The following SEC31B variants were observed in gnomAD, a reference collection of about 807,000 sequenced individuals.
SEC31B encodes the protein protein transport protein Sec31B.
SEC31B carries 113 observed loss-of-function variants against 135.0 expected under a neutral mutation model. The ratio of observed to expected loss-of-function variants is 0.84; its 90% CI spans 0.72 to 0.98. SEC31B has a LOEUF of 0.98. SEC31B is among the 50% of genes least tolerant of loss of function. The pLI is 0.00. For missense variants in SEC31B, 1,296 were observed against 1,421.1 expected (o/e 0.91, Z 1.42); for synonymous variants, 508 against 549.4 (o/e 0.92, Z 1.05).
Position 100,508,507 on chromosome 10 carries a change from A to G in SEC31B, c.496-456T>C, listed in dbSNP as rs549408318. ...AAGAAAGAGAAAAGGCCAGGAAGCA[A>G]AAAGATGGGCCCAGTTACAGATTGA... On this transcript the variant is annotated intron_variant, in intron 5 of 25. Transcript: ENST00000370345. 422 of 463,706 alleles carry G rather than the reference A, an allele frequency of 9.1e-4. 6 individuals are homozygous for G. The highest frequency in any genetic ancestry group is 3.2e-4 in the Middle Eastern group (1 of 3,106). The allele number at this position is 463,706 out of a possible 1,614,324, so 28.7% of individuals were successfully genotyped here.
At chr10:100,507,635 T>G in intron 6 of SEC31B, 68 bp from the exon 7 acceptor site, 2 of 1,592,352 alleles carry the variant, frequency 1.3e-6, no homozygotes, top group Non-Finnish European at 1.7e-6. Context: ...ATGGGACCAC[T>G]CTGAGAGCAA....
In SEC31B at chr10:100,487,486, G is replaced by C. The variant is rs980074905; in HGVS notation, c.*130C>G. On this transcript the variant is annotated 3_prime_UTR_variant, in exon 26 of 26. Coordinates refer to ENST00000370345, the MANE Select transcript of SEC31B (RefSeq NM_015490.4). ...CAGCTGGTTTGGAGCCAAGCCTACAGCATCACATACCTGGCAGCAAGGAAA... is the reference window on the plus strand; with the variant it reads ...CAGCTGGTTTGGAGCCAAGCCTACACCATCACATACCTGGCAGCAAGGAAA... 1 of 874,692 alleles carries C rather than the reference G, an allele frequency of 1.1e-6. No homozygotes were observed. The highest frequency in any genetic ancestry group is 1.7e-6 in the Non-Finnish European group (1 of 573,516). 54.2% of individuals were successfully genotyped at this position (874,692 alleles called of 1,614,324 possible).
Position 100,498,700 on chromosome 10 carries a change from G to T in SEC31B, c.1684+5C>A, listed in dbSNP as rs750003116. 1 of 1,605,226 alleles carries T rather than the reference G, an allele frequency of 6.2e-7. No homozygotes were observed. The highest frequency in any genetic ancestry group is 2.2e-5 in the East Asian group (1 of 44,832). ...GACTCTCCCTCTCCCTCAGGGTCAGGGTACCTTTTGTGATGGGGATCTCCC... is the reference window on the plus strand; with the variant it reads ...GACTCTCCCTCTCCCTCAGGGTCAGTGTACCTTTTGTGATGGGGATCTCCC... On this transcript the variant is annotated splice_donor_5th_base_variant and intron_variant, in intron 14 of 25. Transcript: ENST00000370345.
intron 24 of SEC31B, 111 bp from the exon 25 acceptor site, chr10:100,488,209 C>G: frequency 1.0e-6 from 1 of 987,760 alleles, no homozygotes; most frequent in South Asian, 1.4e-5. Flanking sequence ...CCTGTAATCC[C>G]AGCACCTTGG....
intron 3 of SEC31B, among the ~76,000 whole-genome samples, chr10:100,510,313 T>C (rs751308830): frequency 1.1e-4 from 17 of 152,250 alleles, no homozygotes; most frequent in Non-Finnish European, 2.2e-4. Context: ...GGAGTGGCCA[T>C]GTGGCTGCAA....
rs1851269567 is a variant in SEC31B at position 100,490,019 on chromosome 10, G to A, written c.2954C>T (p.Thr985Ile). Residue 985 changes from threonine (T) to isoleucine (I), a missense_variant, in exon 21 of 26, where the codon ACT (threonine) becomes ATT (isoleucine). Physicochemically the swap from Thr to Ile is moderately conservative, Grantham distance 89 (BLOSUM62 -1). Coordinates refer to ENST00000370345, the MANE Select transcript of SEC31B (RefSeq NM_015490.4). ...SSVLPTTGIL[T>I]PHPGPQDSWK... is the part of the protein sequence containing the mutation. ...GAAGGAAGACTGACCTGGGTGAGGA[G>A]TCAAGATGCCAGTGGTTGGGAGGAC... 1 of 1,544,826 alleles carries A rather than the reference G, an allele frequency of 6.5e-7. No individual in the cohort carries two copies. The highest frequency in any genetic ancestry group is 8.7e-7 in the Non-Finnish European group (1 of 1,150,924).
At chr10:100,516,313 A>T in intron 2 of SEC31B, 94 bp from the exon 3 acceptor site, 5 of 1,409,892 alleles carry the variant, frequency 3.5e-6, no homozygotes, top group Non-Finnish European at 4.8e-6. Context: ...GGAACAGAAG[A>T]GGGCTGGGTA....
At position 100,506,391 on chromosome 10, in the gene SEC31B, G is replaced by T; in HGVS notation, c.812C>A (p.Ala271Asp). ...ACTAGTGAGCAGCAGCTCAGCATCA[G>T]CCTGGCTCCATGACACTGACAAGAT... ...RGILSVSWSQ[A>D]DAELLLTSAK... Residue 271 changes from alanine to aspartate, a missense_variant, in exon 8 of 26, where the codon GCT becomes GAT. Coordinates refer to ENST00000370345, the MANE Select transcript of SEC31B (RefSeq NM_015490.4). 6.2e-7 allele frequency: 1 copy of T among 1,614,158 alleles called. No homozygotes were observed. Among genetic ancestry groups the T allele is most frequent in the Non-Finnish European group, 8.5e-7 (1 of 1,180,018 alleles).
intron 14 of SEC31B, 115 bp from the exon 15 acceptor site, chr10:100,498,322 C>A: frequency 2.0e-6 from 2 of 1,006,410 alleles, no homozygotes; most frequent in African/African-American, 1.6e-5. Context: ...TGCTTGGCTC[C>A]AAACTAAATC....
In SEC31B at chr10:100,516,118, C is replaced by G; in HGVS notation, c.181G>C (p.Gly61Arg). Reference protein sequence around the residue: ...RDPSLDLKHRGVLSALSRFHK... With the variant: ...RDPSLDLKHRRVLSALSRFHK... Reference sequence around the variant, plus strand: ...TACCTGCTCAAGGCAGAAAGGACTCCTCTGTGTTTCAAGTCCAGAGAAGGG... The same window carrying G: ...TACCTGCTCAAGGCAGAAAGGACTCGTCTGTGTTTCAAGTCCAGAGAAGGG... Residue 61 changes from glycine to arginine, a missense_variant, in exon 3 of 26, where the codon GGA becomes CGA. Gly to Arg is a moderately radical substitution (Grantham distance 125, BLOSUM62 -2). Transcript: ENST00000370345. 1 of 1,614,144 alleles carries G rather than the reference C, an allele frequency of 6.2e-7. No homozygotes were observed. Among genetic ancestry groups the G allele is most frequent in the Non-Finnish European group, 8.5e-7 (1 of 1,180,016 alleles).
At chr10:100,489,520 TGAG>T in intron 22 of SEC31B, 122 bp from the exon 23 acceptor site, 1 of 1,366,710 alleles carries the variant, frequency 7.3e-7, no homozygotes, top group South Asian at 1.3e-5. Context: ...AACTGGGAAG[TGAG>T]GAGACTGGTG....
intron 19 of SEC31B, among the ~76,000 whole-genome samples, chr10:100,491,680 C>T (rs1389403056): frequency 6.6e-6 from 1 of 152,118 alleles, no homozygotes; most frequent in Non-Finnish European, 1.5e-5. Flanking sequence ...AAACATTTGA[C>T]AAAATTCAAC....
rs753274847 is a variant in SEC31B at position 100,506,339 on chromosome 10, C to T, written c.864G>A (p.Arg288=). The T allele has an allele frequency of 6.2e-7, 1 of 1,614,184 alleles. No homozygotes were observed. The highest frequency in any genetic ancestry group is 1.1e-5 in the South Asian group (1 of 91,084). ...AGCCTACCTCACTGCTCCCCAGGTT[C>T]CGGCACAAGATCTGGCTGTCCTTAG... The part of the protein sequence containing the change: ...TSAKDSQILC[R]NLGSSEVVYK... The change falls in exon 8 of 26, where the codon CGG becomes CGA. Residue 288 remains arginine, a synonymous_variant. Transcript: ENST00000370345.
intron 20 of SEC31B, 37 bp from the exon 21 acceptor site, chr10:100,490,359 C>T (rs770375156): frequency 7.6e-6 from 12 of 1,582,954 alleles, no homozygotes; most frequent in Non-Finnish European, 1.0e-5. Flanking sequence ...TGTCACTAAA[C>T]TTCATTTCAG....
chr10:100,489,165 T>TCAAGGCATGTGC, intron 23 of SEC31B, 87 bp downstream of exon 23: 1 of 1,481,052 alleles, frequency 6.8e-7, no homozygotes, highest in Non-Finnish European at 9.0e-7. Context: ...AGCACATGCC[T>TCAAGGCATGTGC]TGAGGAATGA....
chr10:100,512,350 C>T (rs183577112), intron 3 of SEC31B, among the ~76,000 whole-genome samples: 6 of 152,202 alleles, frequency 3.9e-5, no homozygotes, highest in African/African-American at 9.6e-5. Context: ...TGTCCTCAGT[C>T]GATGATATAA....
At chr10:100,501,711 C>T (rs1851527781) in intron 11 of SEC31B, 1 of 155,652 alleles carries the variant, frequency 6.4e-6, no homozygotes, top group Non-Finnish European at 1.4e-5. Context: ...AGTACTCCTC[C>T]TGGTGTCACA....
intron 23 of SEC31B, 128 bp downstream of exon 23, chr10:100,489,124 G>A: frequency 6.9e-7 from 1 of 1,444,122 alleles, no homozygotes; most frequent in South Asian, 1.4e-5. Flanking sequence ...TCTGCAGTAA[G>A]GACACCTGGT....
rs367807840 is a variant in SEC31B, at chr10:100,497,696, G to A, written c.1961C>T (p.Ser654Leu). ...REALALLLTYSGTEKFPELCD... is the reference protein window; with the variant it reads ...REALALLLTYLGTEKFPELCD... ...GAGCTCGGGAAATTTCTCTGTGCCTGAGTATGTCAGTAGCAAAGCCAGTGC... is the reference window on the plus strand; with the variant it reads ...GAGCTCGGGAAATTTCTCTGTGCCTAAGTATGTCAGTAGCAAAGCCAGTGC... The change falls in exon 16 of 26, where the codon TCA (serine) becomes TTA (leucine). Residue 654 changes from serine to leucine, a missense_variant. Physicochemically the swap from Ser to Leu is moderately radical, Grantham distance 145. Coordinates refer to ENST00000370345, the MANE Select transcript of SEC31B (RefSeq NM_015490.4). 1.4e-5 allele frequency: 22 copies of A among 1,614,106 alleles called. No individual in the cohort carries two copies. The African/African-American group carries it at 2.5e-4, about 19-fold the overall frequency.
Sources: allele counts gnomAD v4.1 joint callset (sites outside exome capture counted in the v4.1 genomes callset), GRCh38; gene constraint gnomAD v4.1.1; transcripts MANE v1.5; gene names NCBI Gene and HGNC (gene_info 2026-07-23, HGNC 2026-07-21).